SKI: variants seen among roughly 807,000 people sequenced by gnomAD.
SKI encodes ski oncogene.
In SKI, 23 loss-of-function variants were observed where a neutral mutation model predicts 59.3. That is an observed-to-expected ratio of 0.39 (90% CI 0.28 to 0.55). The LOEUF is 0.55. SKI is among the 20% of genes least tolerant of loss of function. SKI has a pLI of 0.67. For synonymous variants in SKI, 673 were observed against 488.6 expected, an observed-to-expected ratio of 1.38 and a Z score of -4.98; for missense variants, 1,017 against 1,038.9, an observed-to-expected ratio of 0.98 and a Z score of 0.29.
intron 1 of SKI, among the ~76,000 whole-genome samples, chr1:2,238,733 G>A (rs1327649730): frequency 6.6e-6 from 1 of 152,238 alleles, no homozygotes; most frequent in Non-Finnish European, 1.5e-5. Context: ...GGCCACCTGC[G>A]CCGCTGCCTG....
chr1:2,245,461 T>G (rs560102052), intron 1 of SKI, among the ~76,000 whole-genome samples: 1 of 152,290 alleles, frequency 6.6e-6, no homozygotes, highest in South Asian at 2.1e-4. Flanking sequence ...GCTGGATCAT[T>G]GATCATTCTA....
chr1:2,229,312 C>G lies in SKI; in HGVS notation c.546C>G (p.Ala182=). ...PSCGLITKTD[A]ERLCNALLYG... is the part of the protein sequence containing the mutation. ...GCGGGCTCATCACCAAGACGGACGC[C>G]GAGCGCCTGTGCAACGCGCTGCTCT... The change falls in exon 1 of 7, where the codon GCC becomes GCG. Residue 182 remains alanine (A), a synonymous_variant. Coordinates refer to ENST00000378536, the MANE Select transcript of SKI (RefSeq NM_003036.4). The surrounding 1 kb of genome is among the most constrained non-coding windows in gnomAD (Gnocchi z 6.3). 4 of 1,595,726 alleles carry G rather than the reference C, an allele frequency of 2.5e-6. No individual in the cohort carries two copies. Among genetic ancestry groups the G allele is most frequent in the Non-Finnish European group, 2.6e-6 (3 of 1,172,056 alleles).
chr1:2,294,666 C>T (rs1209560576), intron 1 of SKI, among the ~76,000 whole-genome samples: 1 of 152,238 alleles, frequency 6.6e-6, no homozygotes, highest in African/African-American at 2.4e-5. Context: ...CCAGGGATGG[C>T]TATGCATGTT....
In SKI at chr1:2,303,704, C is replaced by T. The variant is rs988762945; in HGVS notation, c.1212-136C>T. On this transcript the variant is annotated intron_variant, in intron 3 of 6. Coordinates refer to ENST00000378536, the MANE Select transcript of SKI (RefSeq NM_003036.4). The surrounding 1 kb of genome is among the most constrained non-coding windows in gnomAD (Gnocchi z 5.6). ...AAAACGCTTACGGGTTCTTAGGGAACTGTAAGCTTGACTTGAAGATTCGGA... is the reference window on the plus strand; with the variant it reads ...AAAACGCTTACGGGTTCTTAGGGAATTGTAAGCTTGACTTGAAGATTCGGA... The T allele has an allele frequency of 4.8e-6, 6 of 1,248,618 alleles. No homozygotes were observed. Among genetic ancestry groups the T allele is most frequent in the Non-Finnish European group, 6.8e-6 (6 of 887,770 alleles). The allele number at this position is 1,248,618 out of a possible 1,614,324, so 77.3% of individuals were successfully genotyped here.
intron 1 of SKI, among the ~76,000 whole-genome samples, chr1:2,271,936 C>T (rs1048735587): frequency 1.3e-5 from 2 of 152,140 alleles, no homozygotes; most frequent in Admixed American, 6.5e-5. Context: ...GGATGGCTGG[C>T]GGGACTGGGA....
At position 2,283,879 on chromosome 1, in the gene SKI, G is replaced by A. The variant is rs535340178; in HGVS notation, c.970-19099G>A. Among the ~76,000 whole-genome samples the A allele has an allele frequency of 1.8e-4, 28 of 152,342 alleles. 1 individual carries two copies. The highest frequency in any genetic ancestry group is 1.2e-3 in the Admixed American group (18 of 15,308). On this transcript the variant is annotated intron_variant, in intron 1 of 6. Transcript: ENST00000378536. ...CTGGGGCTGGAGGAGGCGGGAGGCCGAGGCAGCAAAGCTGACCCGCTGGCG... is the reference window on the plus strand; with the variant it reads ...CTGGGGCTGGAGGAGGCGGGAGGCCAAGGCAGCAAAGCTGACCCGCTGGCG...
intron 1 of SKI, among the ~76,000 whole-genome samples, chr1:2,264,967 C>T (rs181749144): frequency 6.9e-4 from 105 of 152,208 alleles, no homozygotes; most frequent in African/African-American, 2.1e-3. Context: ...CCCGCCACCA[C>T]GCCTGGCTAA....
rs12060344 is a variant in SKI at position 2,300,899 on chromosome 1, C to T, written c.970-2079C>T. Among the ~76,000 whole-genome samples the T allele has an allele frequency of 6.0e-3, 907 of 152,264 alleles. 12 individuals are homozygous for T. The highest frequency in any genetic ancestry group is 0.02 in the African/African-American group (849 of 41,550). On this transcript the variant is annotated intron_variant, in intron 1 of 6. Coordinates refer to ENST00000378536, the MANE Select transcript of SKI (RefSeq NM_003036.4). ...GATTGGGCTCGGGGCCCCGGGCCTACGGTCCTCCCGCCACCTCCACGGGGC... is the reference window on the plus strand; with the variant it reads ...GATTGGGCTCGGGGCCCCGGGCCTATGGTCCTCCCGCCACCTCCACGGGGC...
rs1242627775 is a variant in SKI at position 2,306,774 on chromosome 1, C to G, written c.*9C>G. On this transcript the variant is annotated 3_prime_UTR_variant, in exon 7 of 7. Transcript: ENST00000378536. ...CGGAGCTGGAGCCGTAGATTCCGTG[C>G]CTGCCGCCGCAGCGCCGCCGACAAC... is the stretch of plus-strand genomic sequence containing the variant. 1.2e-5 allele frequency: 18 copies of G among 1,497,946 alleles called. No individual in the cohort carries two copies. The highest frequency in any genetic ancestry group is 6.3e-5 in the South Asian group (5 of 79,786). 92.8% of individuals were successfully genotyped at this position (1,497,946 alleles called of 1,614,324 possible).
intron 1 of SKI, among the ~76,000 whole-genome samples, chr1:2,252,082 C>A (rs1639163648): frequency 6.6e-6 from 1 of 152,196 alleles, no homozygotes; most frequent in Admixed American, 6.5e-5. Flanking sequence ...CCTGCCAGGT[C>A]TCTGTGCACC....
At position 2,268,163 on chromosome 1, in the gene SKI, G is replaced by A. The variant is rs1639539417; in HGVS notation, c.970-34815G>A. Among the ~76,000 whole-genome samples the A allele has an allele frequency of 6.6e-6, 1 of 152,212 alleles. No individual in the cohort carries two copies. The highest frequency in any genetic ancestry group is 2.1e-4 in the South Asian group (1 of 4,834). On this transcript the variant is annotated intron_variant, in intron 1 of 6. Coordinates refer to ENST00000378536, the MANE Select transcript of SKI (RefSeq NM_003036.4). The surrounding 1 kb of genome is among the most constrained non-coding windows in gnomAD (Gnocchi z 5.0). ...CCCTGGGTTGTGCGGCGGGGCCCTG[G>A]CTCTGTGGGTGGGTGGCTGTGCTGC...
chr1:2,271,426 C>T (rs189726537), intron 1 of SKI, among the ~76,000 whole-genome samples: 17 of 152,194 alleles, frequency 1.1e-4, no homozygotes, highest in Admixed American at 9.8e-4. Flanking sequence ...GCTGGTGTCA[C>T]CCCTGGGAGC....
intron 1 of SKI, among the ~76,000 whole-genome samples, chr1:2,283,330 G>C (rs1455399657): frequency 6.6e-6 from 1 of 151,668 alleles, no homozygotes; most frequent in Non-Finnish European, 1.5e-5. Flanking sequence ...CCTTTGACAG[G>C]GCAAGGACTC....
intron 1 of SKI, chr1:2,248,171 C>G (rs1639040401): frequency 6.6e-6 from 1 of 152,242 alleles, no homozygotes. Flanking sequence ...CCTTTCCAGG[C>G]CCTGAGGCCA....
At chr1:2,246,521 G>A (rs1354472377) in intron 1 of SKI, among the ~76,000 whole-genome samples, 1 of 152,134 alleles carries the variant, frequency 6.6e-6, no homozygotes, top group South Asian at 2.1e-4. Context: ...CCTCTGCTGT[G>A]GTGGTCAGGA....
intron 1 of SKI, among the ~76,000 whole-genome samples, chr1:2,277,043 G>T (rs1229945902): frequency 6.6e-6 from 1 of 152,146 alleles, no homozygotes; most frequent in Non-Finnish European, 1.5e-5. Context: ...CATGGAGCTG[G>T]GATTCCTCTC....
rs1196592943 is a variant in SKI at position 2,309,936 on chromosome 1, A to C, written c.*3171A>C. The C allele has an allele frequency of 4.5e-5, 1 of 21,984 alleles. No homozygotes were observed. The highest frequency in any genetic ancestry group is 9.5e-5 in the Non-Finnish European group (1 of 10,512). The allele number at this position is 21,984 out of a possible 1,614,324, so 1.4% of individuals were successfully genotyped here. ...CGCTTTAAGTCAGGAGTCACAAATG[A>C]CTTTTTTTTTTCAATTAAGGAAAAA... On this transcript the variant is annotated 3_prime_UTR_variant, in exon 7 of 7. Transcript: ENST00000378536.
intron 1 of SKI, among the ~76,000 whole-genome samples, chr1:2,241,410 T>C (rs1638867310): frequency 1.3e-5 from 2 of 152,308 alleles, no homozygotes; most frequent in East Asian, 3.9e-4. Flanking sequence ...TTTTTTTCTT[T>C]GAGACTGAGT....
At chr1:2,295,516 A>G (rs961923880) in intron 1 of SKI, among the ~76,000 whole-genome samples, 1 of 152,222 alleles carries the variant, frequency 6.6e-6, no homozygotes, top group Admixed American at 6.5e-5. Flanking sequence ...CCCAACAAGA[A>G]GCCCCATGCA....
Sources: gnomAD v4.1 joint callset for allele counts (sites outside exome capture counted in the v4.1 genomes callset) on GRCh38, gnomAD v4.1.1 for gene constraint, Gnocchi (gnomAD v3.1) non-coding constraint, MANE v1.5 for transcripts, NCBI Gene and HGNC (gene_info 2026-07-23, HGNC 2026-07-21) for gene names.